The following ADAMTS17 variants were observed in gnomAD, a reference collection of about 807,000 sequenced individuals.
ADAMTS17 encodes ADAM metallopeptidase with thrombospondin type 1 motif 17.
A neutral mutation model predicts 141.5 loss-of-function variants in ADAMTS17; 113 were observed. That is an observed-to-expected ratio of 0.80 (90% CI 0.69 to 0.93). The LOEUF is 0.93. Among genes scored for constraint, ADAMTS17 ranks in the 40% least tolerant of loss-of-function variants. ADAMTS17 has a pLI of 0.00. For missense variants in ADAMTS17, 1,659 were observed against 1,517.9 expected (o/e 1.09, Z -1.54); for synonymous variants, 768 against 630.6 (o/e 1.22, Z -3.27).
chr15:100,002,443 T>C (rs1194653335), intron 18 of ADAMTS17, among the ~76,000 whole-genome samples: 2 of 151,978 alleles, frequency 1.3e-5, no homozygotes, highest in African/African-American at 4.8e-5. Context: ...GCAGGTGCTC[T>C]AGTGGACGTG....
At chr15:100,337,443 A>G (rs910525122) in intron 2 of ADAMTS17, among the ~76,000 whole-genome samples, 1 of 152,164 alleles carries the variant, frequency 6.6e-6, no homozygotes, top group African/African-American at 2.4e-5. Context: ...TGGTAGGAGG[A>G]TCCCCGACCT....
intron 7 of ADAMTS17, among the ~76,000 whole-genome samples, chr15:100,229,796 A>G (rs527721244): frequency 6.6e-6 from 1 of 152,238 alleles, no homozygotes; most frequent in Non-Finnish European, 1.5e-5. Context: ...AAGTGTAGAC[A>G]GAGAACGCAA....
intron 9 of ADAMTS17, among the ~76,000 whole-genome samples, chr15:100,154,072 TG>T (rs2039317519): frequency 6.6e-6 from 1 of 152,032 alleles, no homozygotes; most frequent in African/African-American, 2.4e-5. Flanking sequence ...TCCCAGCTAC[TG>T]GGGAGGCTGA....
At chr15:100,012,176 G>A (rs2061198487) in intron 18 of ADAMTS17, among the ~76,000 whole-genome samples, 1 of 152,066 alleles carries the variant, frequency 6.6e-6, no homozygotes, top group Non-Finnish European at 1.5e-5. Context: ...ATGTTTGTTG[G>A]CCTTTTGTAT....
At chr15:100,196,524 T>C (rs117021956) in intron 8 of ADAMTS17, among the ~76,000 whole-genome samples, 94 of 152,366 alleles carry the variant, frequency 6.2e-4, no homozygotes, top group Non-Finnish European at 1.9e-4. Context: ...GCCACACCTT[T>C]GCGTGCTGTG....
chr15:100,251,852 G>C (rs2043165696), intron 7 of ADAMTS17, among the ~76,000 whole-genome samples: 1 of 152,220 alleles, frequency 6.6e-6, no homozygotes, highest in South Asian at 2.1e-4. Context: ...GCACACAGAG[G>C]AAAGGCCACA....
At chr15:100,267,077 C>T (rs769115677) in intron 4 of ADAMTS17, among the ~76,000 whole-genome samples, 1 of 152,144 alleles carries the variant, frequency 6.6e-6, no homozygotes, top group African/African-American at 2.4e-5. Context: ...ATTACGTTCA[C>T]GTTATTGTAC....
At chr15:100,273,244 A>G (rs1470862650) in intron 4 of ADAMTS17, among the ~76,000 whole-genome samples, 1 of 152,086 alleles carries the variant, frequency 6.6e-6, no homozygotes, top group African/African-American at 2.4e-5. Context: ...TCTCCTCTTC[A>G]GCTTTTTTGG....
intron 19 of ADAMTS17, among the ~76,000 whole-genome samples, chr15:99,994,660 G>A (rs1423238557): frequency 4.6e-5 from 7 of 152,216 alleles, no homozygotes; most frequent in Non-Finnish European, 5.9e-5. Context: ...TCCGCCTCCC[G>A]GGTTCAAGCG....
chr15:100,038,203 G>A (rs1364246381), intron 18 of ADAMTS17, among the ~76,000 whole-genome samples: 1 of 152,236 alleles, frequency 6.6e-6, no homozygotes, highest in Non-Finnish European at 1.5e-5. Flanking sequence ...TTTCTGGACT[G>A]TCAGTTATAC....
chr15:100,319,220 C>T (rs1436165172), intron 3 of ADAMTS17, among the ~76,000 whole-genome samples: 1 of 152,214 alleles, frequency 6.6e-6, no homozygotes, highest in African/African-American at 2.4e-5. Context: ...GAGCAAAGGA[C>T]AGTGTCCTGT....
intron 15 of ADAMTS17, among the ~76,000 whole-genome samples, chr15:100,076,892 C>G (rs1245728603): frequency 6.6e-6 from 1 of 152,058 alleles, no homozygotes; most frequent in Non-Finnish European, 1.5e-5. Flanking sequence ...AAACATGTCT[C>G]AGAGATCATG....
chr15:100,196,486 C>T (rs79264807), intron 8 of ADAMTS17, among the ~76,000 whole-genome samples: 21 of 152,220 alleles, frequency 1.4e-4, no homozygotes, highest in Admixed American at 1.2e-3. Flanking sequence ...AATCGCCCTA[C>T]GACGCACATT....
intron 4 of ADAMTS17, among the ~76,000 whole-genome samples, chr15:100,271,851 T>C (rs1158001705): frequency 6.6e-6 from 1 of 152,222 alleles, no homozygotes; most frequent in Non-Finnish European, 1.5e-5. Flanking sequence ...CTAAGAGTTT[T>C]ACCTCTTCTG....
chr15:100,180,407 T>G (rs896738780), intron 8 of ADAMTS17, among the ~76,000 whole-genome samples: 1 of 152,212 alleles, frequency 6.6e-6, no homozygotes, highest in Non-Finnish European at 1.5e-5. Flanking sequence ...ACCCATGCCA[T>G]TTTGGTTACT....
At chr15:100,260,339 C>T (rs746300361) in intron 6 of ADAMTS17, among the ~76,000 whole-genome samples, 1 of 151,898 alleles carries the variant, frequency 6.6e-6, no homozygotes, top group Admixed American at 6.6e-5. Context: ...GATGGCCAGG[C>T]GTGGTGGCTC....
At chr15:100,284,345 T>C (rs1194823909) in intron 3 of ADAMTS17, among the ~76,000 whole-genome samples, 2 of 152,158 alleles carry the variant, frequency 1.3e-5, no homozygotes, top group Non-Finnish European at 2.9e-5. Context: ...CATTGGCTCC[T>C]TTCCCCCATT....
intron 10 of ADAMTS17, among the ~76,000 whole-genome samples, chr15:100,134,853 C>T (rs2038243726): frequency 6.6e-6 from 1 of 152,160 alleles, no homozygotes; most frequent in East Asian, 1.9e-4. Flanking sequence ...GAAAAGCCTG[C>T]ATGTTCCCAT....
At chr15:99,989,651 C>T (rs1419521762) in intron 20 of ADAMTS17, among the ~76,000 whole-genome samples, 1 of 152,208 alleles carries the variant, frequency 6.6e-6, no homozygotes, top group African/African-American at 2.4e-5. Flanking sequence ...CACCTACAGT[C>T]TTTGGGCTAG....
Sources: allele counts gnomAD v4.1 joint callset (sites outside exome capture counted in the v4.1 genomes callset), GRCh38; gene constraint gnomAD v4.1.1; transcripts MANE v1.5; gene names NCBI Gene and HGNC (gene_info 2026-07-23, HGNC 2026-07-21).